BTG4: variants seen among roughly 807,000 people sequenced by gnomAD.
The protein encoded by BTG4 is BTG anti-proliferation factor 4, also known as protein BTG4.
Under a neutral mutation model 19.3 loss-of-function variants are expected in BTG4, and 10 were observed. That is an observed-to-expected ratio of 0.52 (90% CI 0.32 to 0.88). The LOEUF (loss-of-function observed/expected upper bound fraction) is 0.88. Ranked by LOEUF, BTG4 falls within the 40% of genes least tolerant of loss-of-function variation. The pLI, the probability that BTG4 is intolerant of heterozygous loss-of-function variation, is 0.04. For missense variants in BTG4, 238 were observed against 281.9 expected, an observed-to-expected ratio of 0.84 and a Z score of 1.11; for synonymous variants, 91 against 95.7, an observed-to-expected ratio of 0.95 and a Z score of 0.29.
chr11:111,468,255 G>A (rs1288428089), intron 5 of BTG4, among the ~76,000 whole-genome samples: 1 of 152,214 alleles, frequency 6.6e-6, no homozygotes, highest in African/African-American at 2.4e-5. Context: ...TGAAATAGAC[G>A]AGAATTTAAT....
chr11:111,506,282 T>C (rs1866450608), intron 1 of BTG4, among the ~76,000 whole-genome samples: 1 of 152,114 alleles, frequency 6.6e-6, no homozygotes, highest in Non-Finnish European at 1.5e-5. Flanking sequence ...ATATACACAA[T>C]GGAATACTAC....
At chr11:111,420,908 G>C in the BTG4 span, among the ~76,000 whole-genome samples, 1 of 152,204 alleles carries the variant, frequency 6.6e-6, no homozygotes, top group Non-Finnish European at 1.5e-5. Flanking sequence ...CAAGGACTTT[G>C]AGAGTACATG....
chr11:111,427,026 G>A, the BTG4 span, among the ~76,000 whole-genome samples: 1 of 152,208 alleles, frequency 6.6e-6, no homozygotes, highest in South Asian at 2.1e-4. Context: ...TTATTTCCTT[G>A]AAGAGACCTA....
chr11:111,455,892 G>C, the BTG4 span: 4 of 440,696 alleles, frequency 9.1e-6, no homozygotes, highest in Non-Finnish European at 1.9e-5. Flanking sequence ...AGCTTTGCTT[G>C]GGCCTCAGCC....
intron 5 of BTG4, among the ~76,000 whole-genome samples, chr11:111,479,234 G>A (rs1864586941): frequency 6.6e-6 from 1 of 152,078 alleles, no homozygotes; most frequent in Non-Finnish European, 1.5e-5. Context: ...TGAATGAAAA[G>A]AGCTGTCAAC....
At chr11:111,404,788 C>A in the BTG4 span, 19 of 406,350 alleles carry the variant, frequency 4.7e-5, no homozygotes, top group South Asian at 3.5e-4. Context: ...ATATAAAGAC[C>A]AGGAACTGAA....
chr11:111,506,415 G>A (rs1866459372), intron 1 of BTG4, among the ~76,000 whole-genome samples: 1 of 152,118 alleles, frequency 6.6e-6, no homozygotes, highest in African/African-American at 2.4e-5. Flanking sequence ...TCACTTGTAA[G>A]TGGGAGCTAA....
chr11:111,398,404 C>A, the BTG4 span, among the ~76,000 whole-genome samples: 1 of 152,320 alleles, frequency 6.6e-6, no homozygotes, highest in South Asian at 2.1e-4. Flanking sequence ...GGCCTCACCT[C>A]CAGAGTTTCT....
chr11:111,456,029 T>C, the BTG4 span, among the ~76,000 whole-genome samples: 3 of 145,166 alleles, frequency 2.1e-5, no homozygotes, highest in Non-Finnish European at 4.6e-5. This position sits in a 1 kb window ranked among gnomAD's most constrained non-coding sequence, Gnocchi z 4.2. Flanking sequence ...CACCCCAAGG[T>C]CGGGAGGGGC....
chr11:111,514,443 T>G, upstream of BTG4: 1 of 324,010 alleles, frequency 3.1e-6, no homozygotes, highest in Non-Finnish European at 5.9e-6. Flanking sequence ...GGCTGAGGAA[T>G]TTAAAGTTTA....
chr11:111,426,118 T>A, the BTG4 span, among the ~76,000 whole-genome samples: 2 of 151,976 alleles, frequency 1.3e-5, no homozygotes. Flanking sequence ...AAAACCAGGG[T>A]GTCAAGAGGA....
At chr11:111,513,155 G>A (rs1335647271), upstream of BTG4, 12 of 381,084 alleles carry the variant, frequency 3.1e-5, no homozygotes, top group East Asian at 9.4e-4. Context: ...CTGCAAGTGC[G>A]AGGAAACCCG....
At chr11:111,405,468 CAG>C in the BTG4 span, among the ~76,000 whole-genome samples, 1 of 136,564 alleles carries the variant, frequency 7.3e-6, no homozygotes, top group East Asian at 2.4e-4. Context: ...AGAGAGTTTG[CAG>C]AGTTACCTGG....
At chr11:111,461,352 C>T in the BTG4 span, among the ~76,000 whole-genome samples, 1 of 152,176 alleles carries the variant, frequency 6.6e-6, no homozygotes, top group Admixed American at 6.5e-5. Flanking sequence ...CTCCTCTGGA[C>T]TTCCCAAGAG....
In BTG4 at chr11:111,495,250, T is replaced by A. The variant is rs1369655771; in HGVS notation, c.575A>T (p.Asp192Val). The A allele has an allele frequency of 6.2e-7, 1 of 1,611,950 alleles. No individual in the cohort carries two copies. The highest frequency in any genetic ancestry group is 1.7e-5 in the Admixed American group (1 of 59,392). Residue 192 changes from aspartate to valine, a missense_variant, in exon 5 of 5, where the codon GAC becomes GTC. Transcript: ENST00000692032. ...LQIPRKKNVV[D>V]GRVGLLGNTY... is the part of the protein sequence containing the mutation. The stretch of plus-strand genomic sequence containing the variant: ...GTTTCCCAGGAGGCCAACACGGCCG[T>A]CCACCACATTCTTTTTGCGGGGGAT...
At chr11:111,512,814 T>G (rs924875509), upstream of BTG4, 11 of 300,400 alleles carry the variant, frequency 3.7e-5, no homozygotes. Flanking sequence ...GGCCCGGGGG[T>G]GTCCTCGGGG....
At chr11:111,497,000 T>C (rs903735310) in intron 4 of BTG4, 1 of 432,822 alleles carries the variant, frequency 2.3e-6, no homozygotes, top group Admixed American at 4.2e-5. Context: ...TAAAAGATTA[T>C]GTGGATCCTA....
At chr11:111,399,922 C>T in the BTG4 span, among the ~76,000 whole-genome samples, 66 of 152,146 alleles carry the variant, frequency 4.3e-4, no homozygotes, top group East Asian at 5.8e-3. Context: ...AGGGTATTTG[C>T]GATCCTGCAT....
chr11:111,429,485 A>G, the BTG4 span, among the ~76,000 whole-genome samples: 1 of 152,346 alleles, frequency 6.6e-6, no homozygotes, highest in East Asian at 1.9e-4. Context: ...GTAAAGGTAA[A>G]AGCCAAGAAG....
Sources: allele counts gnomAD v4.1 joint callset (sites outside exome capture counted in the v4.1 genomes callset), GRCh38; gene constraint gnomAD v4.1.1; non-coding constraint Gnocchi (gnomAD v3.1); transcripts MANE v1.5; gene names NCBI Gene and HGNC (gene_info 2026-07-23, HGNC 2026-07-21).